Variants in REPS2 observed in about 807,000 individuals in gnomAD.
The protein encoded by REPS2 is RALBP1 associated Eps domain containing 2, also known as ralBP1-associated Eps domain-containing protein 2.
A neutral mutation model predicts 53.6 loss-of-function variants in REPS2; 23 were observed. That is an observed-to-expected ratio of 0.43 (90% CI 0.31 to 0.61). REPS2 has a LOEUF of 0.61. Ranked by LOEUF, REPS2 falls within the 20% of genes least tolerant of loss-of-function variation. The pLI, the probability that REPS2 is intolerant of heterozygous loss-of-function variation, is 0.11. For missense variants in REPS2, 446 were observed against 534.9 expected (o/e 0.83, Z 1.64); for synonymous variants, 238 against 218.6 (o/e 1.09, Z -0.78).
At chrX:17,097,350 C>T (rs1413668567) in intron 13 of REPS2, among the ~76,000 whole-genome samples, 1 of 112,054 alleles carries the variant, frequency 8.9e-6, no homozygotes, top group Non-Finnish European at 1.9e-5. Flanking sequence ...TTCTAAAAGA[C>T]ATACTTTAGA....
chrX:17,020,876 C>T (rs2061566530), intron 2 of REPS2, among the ~76,000 whole-genome samples: 1 of 111,343 alleles, frequency 9.0e-6, no homozygotes, highest in Admixed American at 9.6e-5. Context: ...GGAGGTCCAC[C>T]CGCCTCCGCC....
rs2063328665 is a variant in REPS2 at position 17,134,001 on chromosome X, G to T, written c.1662+94G>T. On this transcript the variant is annotated intron_variant, in intron 15 of 17. Coordinates refer to ENST00000357277, the MANE Select transcript of REPS2 (RefSeq NM_004726.3). ...GCTGATCTATTGTTTTAAGGTTTCT[G>T]TGTCCTGAAATGAATGTCAATGATC... 6.1e-6 allele frequency: 4 copies of T among 660,284 alleles called. No homozygotes were observed. The South Asian group carries it at 9.8e-5, about 16-fold the overall frequency. 54.4% of individuals were successfully genotyped at this position (660,284 alleles called of 1,213,427 possible).
intron 2 of REPS2, among the ~76,000 whole-genome samples, chrX:17,008,456 A>G (rs766731325): frequency 8.9e-6 from 1 of 112,167 alleles, no homozygotes; most frequent in African/African-American, 3.2e-5. Flanking sequence ...TAAAGGATTA[A>G]CAGTTTATCA....
At position 16,946,808 on chromosome X, in the gene REPS2, C is replaced by T; in HGVS notation, c.-54C>T. 1 of 754,258 alleles carries T rather than the reference C, an allele frequency of 1.3e-6. No homozygotes were observed. The highest frequency in any genetic ancestry group is 1.5e-4 in the East Asian group (1 of 6,737). 62.2% of individuals were successfully genotyped at this position (754,258 alleles called of 1,213,427 possible). A position where few individuals can be genotyped will look rare whatever the true frequency, so the allele number is the denominator to read the frequency against. On this transcript the variant is annotated 5_prime_UTR_variant, in exon 1 of 18. It adds an upstream start codon to the 5' untranslated region. Transcript: ENST00000357277. Reference sequence around the variant, plus strand: ...CCGAGGAGGCGGTGGCTGTGGCGGACGCAGCAGCACCCCAGCTAGGGACAG... The same window carrying T: ...CCGAGGAGGCGGTGGCTGTGGCGGATGCAGCAGCACCCCAGCTAGGGACAG...
At chrX:17,116,199 A>C (rs1041033666) in intron 14 of REPS2, among the ~76,000 whole-genome samples, 2 of 110,031 alleles carry the variant, frequency 1.8e-5, no homozygotes, top group African/African-American at 6.6e-5. Context: ...AACTCTAGTA[A>C]TGTGTCTTTC....
At chrX:17,052,995 CA>C (rs1240131878) in intron 7 of REPS2, among the ~76,000 whole-genome samples, 1 of 111,321 alleles carries the variant, frequency 9.0e-6, no homozygotes, top group Non-Finnish European at 1.9e-5. Context: ...ACTCTGGTTC[CA>C]AAAGGGCTAT....
intron 1 of REPS2, among the ~76,000 whole-genome samples, chrX:16,959,328 C>T (rs1018435644): frequency 8.9e-6 from 1 of 112,101 alleles, no homozygotes; most frequent in Non-Finnish European, 1.9e-5. Context: ...CACTCCTGGG[C>T]TCAAGTGATC....
At chrX:17,009,495 C>T (rs746496550) in intron 2 of REPS2, among the ~76,000 whole-genome samples, 34 of 110,915 alleles carry the variant, frequency 3.1e-4, no homozygotes, top group Admixed American at 2.1e-3. Context: ...GGTGTGATCA[C>T]GGCTTGTTAC....
intron 14 of REPS2, among the ~76,000 whole-genome samples, chrX:17,110,871 T>C (rs2062960045): frequency 9.3e-6 from 1 of 106,981 alleles, no homozygotes. Flanking sequence ...AAAATTAGCC[T>C]GGCGTGATGG....
At chrX:17,027,437 T>G (rs1409313050) in intron 4 of REPS2, among the ~76,000 whole-genome samples, 2 of 112,016 alleles carry the variant, frequency 1.8e-5, no homozygotes, top group Admixed American at 1.9e-4. Context: ...TGCATCACAG[T>G]TCGACGATCT....
chrX:16,946,992 G>A lies in REPS2; in HGVS notation c.131G>A (p.Arg44His), dbSNP rs1343909611. The change falls in exon 1 of 18, where the codon CGC becomes CAC. Residue 44 changes from arginine to histidine, a missense_variant. Coordinates refer to ENST00000357277, the MANE Select transcript of REPS2 (RefSeq NM_004726.3). ...EQQCYSELFA[R>H]CAGAAGGGPG... Reference sequence around the variant, plus strand: ...CAGTGCTACTCCGAGCTCTTCGCGCGCTGTGCCGGCGCCGCGGGCGGGGGC... The same window carrying A: ...CAGTGCTACTCCGAGCTCTTCGCGCACTGTGCCGGCGCCGCGGGCGGGGGC... 14 of 926,855 alleles carry A rather than the reference G, an allele frequency of 1.5e-5. No individual in the cohort carries two copies. Among genetic ancestry groups the A allele is most frequent in the Non-Finnish European group, 1.9e-5 (14 of 751,960 alleles). 76.4% of individuals were successfully genotyped at this position (926,855 alleles called of 1,213,427 possible).
At chrX:17,057,747 T>A (rs887736372) in intron 8 of REPS2, among the ~76,000 whole-genome samples, 2 of 112,267 alleles carry the variant, frequency 1.8e-5, no homozygotes, top group African/African-American at 6.5e-5. Context: ...CTTTTCTTTC[T>A]GTTTCTTCTG....
intron 12 of REPS2, among the ~76,000 whole-genome samples, chrX:17,075,652 C>T (rs1438455026): frequency 1.8e-5 from 2 of 112,381 alleles, no homozygotes; most frequent in South Asian, 3.7e-4. Flanking sequence ...CATGGTTATA[C>T]AATCTCACTT....
intron 13 of REPS2, among the ~76,000 whole-genome samples, chrX:17,098,156 A>C (rs141957949): frequency 1.3e-3 from 146 of 111,655 alleles, no homozygotes; most frequent in Non-Finnish European, 2.4e-3. Flanking sequence ...CAGCTAACCA[A>C]ATCTAGCAGA....
At chrX:17,064,688 T>C (rs1471592504) in intron 9 of REPS2, among the ~76,000 whole-genome samples, 2 of 112,365 alleles carry the variant, frequency 1.8e-5, no homozygotes, top group Non-Finnish European at 3.8e-5. Context: ...TAATTTTTAT[T>C]ATATTAACAG....
At chrX:17,179,674 G>GT in the REPS2 span, among the ~76,000 whole-genome samples, 1 of 111,356 alleles carries the variant, frequency 9.0e-6, no homozygotes, top group East Asian at 2.8e-4. Flanking sequence ...TTTTGGGGTG[G>GT]TTTGTTGCAC....
chrX:16,971,212 G>T (rs886780985), intron 1 of REPS2, among the ~76,000 whole-genome samples: 2 of 112,115 alleles, frequency 1.8e-5, no homozygotes, highest in East Asian at 5.6e-4. Context: ...GTATCTCATT[G>T]TGGTTTTAGT....
chrX:16,946,734 G>T lies in REPS2; in HGVS notation c.-128G>T, dbSNP rs1220503882. 83 of 701,329 alleles carry T rather than the reference G, an allele frequency of 1.2e-4. No homozygotes were observed. Among genetic ancestry groups the T allele is most frequent in the Admixed American group, 5.4e-4 (6 of 11,151 alleles). 57.8% of individuals were successfully genotyped at this position (701,329 alleles called of 1,213,427 possible). On this transcript the variant is annotated 5_prime_UTR_variant, in exon 1 of 18. Coordinates refer to ENST00000357277, the MANE Select transcript of REPS2 (RefSeq NM_004726.3). ...GCGGCAGCTGCGGGGCGTGGGGGTG[G>T]TGGTGGCGGCGGCGGTGGTGGCGGC...
intron 1 of REPS2, among the ~76,000 whole-genome samples, chrX:16,991,830 C>G (rs1464980386): frequency 1.8e-5 from 2 of 111,546 alleles, no homozygotes; most frequent in East Asian, 5.6e-4. Flanking sequence ...AGCAATGTAT[C>G]TACAAGCCAG....
Sources: gnomAD v4.1 joint callset for allele counts (sites outside exome capture counted in the v4.1 genomes callset) on GRCh38, gnomAD v4.1.1 for gene constraint, MANE v1.5 for transcripts, NCBI Gene and HGNC (gene_info 2026-07-23, HGNC 2026-07-21) for gene names.